ATG7: variants seen among roughly 807,000 people sequenced by gnomAD.
ATG7 encodes the protein autophagy related 7, also known as ubiquitin-like modifier-activating enzyme ATG7.
Under a neutral mutation model 82.4 loss-of-function variants are expected in ATG7, and 70 were observed. The ratio of observed to expected loss-of-function variants is 0.85; its 90% CI spans 0.70 to 1.04. The LOEUF is 1.04. ATG7 is among the 50% of genes least tolerant of loss of function. The pLI, the probability that ATG7 is intolerant of heterozygous loss-of-function variation, is 0.00. For synonymous variants in ATG7, 287 were observed against 313.0 expected (o/e 0.92, Z 0.88); for missense variants, 792 against 864.3 (o/e 0.92, Z 1.05).
At chr3:11,501,543 A>ACTGCATTGATG (rs1553699695) in intron 20 of ATG7, among the ~76,000 whole-genome samples, 4 of 151,964 alleles carry the variant, frequency 2.6e-5, no homozygotes, top group African/African-American at 7.3e-5. Flanking sequence ...AGATAATGAT[A>ACTGCATTGATG]TTAATAGATA....
chr3:11,571,281 T>C, the ATG7 span, among the ~76,000 whole-genome samples: 1 of 152,112 alleles, frequency 6.6e-6, no homozygotes, highest in East Asian at 1.9e-4. Flanking sequence ...TGCTTAATAA[T>C]TGAAAAAAAG....
Position 11,379,987 on chromosome 3 carries a change from T to C in ATG7, c.1891T>C (p.Ser631Pro). 6.2e-7 allele frequency: 1 copy of C among 1,614,212 alleles called. No homozygotes were observed. Among genetic ancestry groups the C allele is most frequent in the African/African-American group, 1.3e-5 (1 of 75,066 alleles). ...LVPHQIRGFL[S>P]RFDNVLPVSL... ...TTGTTTTTAGATCCGGGGATTTCTT[T>C]CACGGTTTGATAATGTCCTTCCCGT... The change falls in exon 19 of 21, where the codon TCA becomes CCA. Residue 631 changes from serine to proline, a missense_variant. By Grantham distance (74) the Ser-to-Pro change is moderately conservative. Coordinates refer to ENST00000693202, the MANE Select transcript of ATG7 (RefSeq NM_001349232.2).
intron 15 of ATG7, 118 bp downstream of exon 15, chr3:11,358,730 A>G: frequency 1.8e-6 from 2 of 1,102,894 alleles, no homozygotes; most frequent in South Asian, 1.6e-5. Context: ...CTGGTAGCAT[A>G]GTGCCAAAGG....
At chr3:11,440,515 G>A (rs2083810744) in intron 20 of ATG7, among the ~76,000 whole-genome samples, 1 of 148,102 alleles carries the variant, frequency 6.8e-6, no homozygotes, top group African/African-American at 2.5e-5. Context: ...TAGTAGAGAC[G>A]GGGTTTCACC....
intron 20 of ATG7, among the ~76,000 whole-genome samples, chr3:11,535,810 G>C (rs77795008): frequency 0.046 from 6,981 of 152,278 alleles, 518 homozygotes; most frequent in African/African-American, 0.15. Flanking sequence ...CAGAACTCCC[G>C]TGGACCTGCC....
chr3:11,493,897 T>C (rs2090603185), intron 20 of ATG7, among the ~76,000 whole-genome samples: 1 of 152,184 alleles, frequency 6.6e-6, no homozygotes, highest in South Asian at 2.1e-4. Context: ...TGCAGATTAC[T>C]ACACTTAAAA....
chr3:11,283,760 A>G (rs1306589398), intron 3 of ATG7, among the ~76,000 whole-genome samples: 2 of 152,068 alleles, frequency 1.3e-5, no homozygotes, highest in Non-Finnish European at 2.9e-5. Flanking sequence ...CAACAAAGCA[A>G]AACCCTACTA....
chr3:11,560,690 G>C (rs960958681), downstream of ATG7, among the ~76,000 whole-genome samples: 11 of 152,140 alleles, frequency 7.2e-5, no homozygotes, highest in Admixed American at 2.6e-4. Context: ...GCCAGGGTAG[G>C]GGGGGATGTG....
chr3:11,296,463 T>C (rs1486659434), intron 3 of ATG7, among the ~76,000 whole-genome samples: 4 of 152,342 alleles, frequency 2.6e-5, no homozygotes, highest in Admixed American at 6.5e-5. Context: ...TTTTCACTTT[T>C]ACTCCTCTGC....
chr3:11,436,251 T>C (rs1282995252), intron 20 of ATG7, among the ~76,000 whole-genome samples: 1 of 152,108 alleles, frequency 6.6e-6, no homozygotes, highest in Non-Finnish European at 1.5e-5. Context: ...ATTGGGACAA[T>C]ACAAATTGAA....
chr3:11,390,548 G>T (rs1486723862), intron 19 of ATG7, among the ~76,000 whole-genome samples: 5 of 152,200 alleles, frequency 3.3e-5, no homozygotes, highest in Non-Finnish European at 7.3e-5. Context: ...GGAGGAGACT[G>T]TATGTTTCTG....
intron 3 of ATG7, among the ~76,000 whole-genome samples, chr3:11,283,034 G>A (rs1385138669): frequency 6.6e-6 from 1 of 152,202 alleles, no homozygotes; most frequent in Admixed American, 6.5e-5. Flanking sequence ...GCCCAGAGAA[G>A]GCACTTCAGG....
At chr3:11,482,338 A>C (rs962968174) in intron 20 of ATG7, among the ~76,000 whole-genome samples, 1 of 152,106 alleles carries the variant, frequency 6.6e-6, no homozygotes, top group Non-Finnish European at 1.5e-5. Flanking sequence ...TACTCTTCAG[A>C]CCCACCACCT....
chr3:11,324,493 T>C (rs1950597146), intron 9 of ATG7, among the ~76,000 whole-genome samples: 1 of 152,208 alleles, frequency 6.6e-6, no homozygotes, highest in Non-Finnish European at 1.5e-5. Flanking sequence ...CTCATATGGG[T>C]AGGAAAGTTA....
intron 20 of ATG7, among the ~76,000 whole-genome samples, chr3:11,453,944 A>C (rs967490580): frequency 1.3e-5 from 2 of 152,186 alleles, no homozygotes; most frequent in Admixed American, 1.3e-4. Context: ...CAAGGGTTTT[A>C]TGAGAATTAT....
At position 11,306,988 on chromosome 3, in the gene ATG7, G is replaced by C. The variant is rs201258273; in HGVS notation, c.261G>C (p.Leu87=). The change falls in exon 6 of 21, where the codon CTG becomes CTC. Residue 87 remains leucine, a synonymous_variant. Transcript: ENST00000693202. Reference sequence around the variant, plus strand: ...GTTGCTGCCCAGCTATTGGAACACTGTATAACACCAACACACTCGAGTCTT... The same window carrying C: ...GTTGCTGCCCAGCTATTGGAACACTCTATAACACCAACACACTCGAGTCTT... ...PARCCPAIGT[L]YNTNTLESFK... 2 of 1,613,952 alleles carry C rather than the reference G, an allele frequency of 1.2e-6. No individual in the cohort carries two copies. Among genetic ancestry groups the C allele is most frequent in the African/African-American group, 2.7e-5 (2 of 74,886 alleles).
intron 20 of ATG7, among the ~76,000 whole-genome samples, chr3:11,475,690 A>G (rs1574884273): frequency 1.3e-5 from 2 of 152,302 alleles, no homozygotes; most frequent in South Asian, 4.1e-4. Context: ...GATACTGTTA[A>G]CTTAGCATGT....
chr3:11,386,844 T>C (rs1698178041), intron 19 of ATG7, among the ~76,000 whole-genome samples: 1 of 152,252 alleles, frequency 6.6e-6, no homozygotes, highest in African/African-American at 2.4e-5. Flanking sequence ...AACTGCTTGG[T>C]TCCCAAAAGG....
chr3:11,519,856 C>T (rs773371942), intron 20 of ATG7, among the ~76,000 whole-genome samples: 35 of 152,140 alleles, frequency 2.3e-4, no homozygotes, highest in South Asian at 2.1e-4. Context: ...CCACCATGCC[C>T]AGCCGAGAGG....
Sources: gnomAD v4.1 joint callset for allele counts (sites outside exome capture counted in the v4.1 genomes callset) on GRCh38, gnomAD v4.1.1 for gene constraint, MANE v1.5 for transcripts, NCBI Gene and HGNC (gene_info 2026-07-23, HGNC 2026-07-21) for gene names.